Variants in GPHN observed in about 807,000 individuals in gnomAD.
The protein encoded by GPHN is gephyrin.
In GPHN, 17 loss-of-function variants were observed where a neutral mutation model predicts 95.5. The observed-to-expected ratio is 0.18, with a 90% CI of 0.12 to 0.27. The LOEUF is 0.27. GPHN is among the 10% of genes least tolerant of loss of function. The pLI, the probability that GPHN is intolerant of heterozygous loss-of-function variation, is 1.00. For missense variants in GPHN, 660 were observed against 978.1 expected (o/e 0.67, Z 4.34); for synonymous variants, 320 against 322.5 (o/e 0.99, Z 0.08).
chr14:66,630,658 G>A (rs1156536994), intron 1 of GPHN, among the ~76,000 whole-genome samples: 2 of 152,056 alleles, frequency 1.3e-5, no homozygotes, highest in Non-Finnish European at 2.9e-5. Flanking sequence ...TTTTTTAGTG[G>A]AAACGGAGTT....
intron 1 of GPHN, among the ~76,000 whole-genome samples, chr14:66,557,256 GATA>G (rs1247896879): frequency 2.0e-5 from 3 of 150,372 alleles, no homozygotes; most frequent in Non-Finnish European, 4.4e-5. Flanking sequence ...TAGATAGATA[GATA>G]GATAGATAGA....
At chr14:67,292,629 A>T in the GPHN span, 1 of 1,613,810 alleles carries the variant, frequency 6.2e-7, no homozygotes, top group Non-Finnish European at 8.5e-7. Context: ...TCCAGAATGC[A>T]TTTAAGATAC....
intron 9 of GPHN, among the ~76,000 whole-genome samples, chr14:67,012,279 A>T (rs1000850331): frequency 4.7e-4 from 72 of 152,244 alleles, no homozygotes; most frequent in African/African-American, 1.6e-3. Context: ...GATCAATAGC[A>T]TTATGAAATC....
At chr14:66,780,460 TTTAA>T (rs2059564575) in intron 3 of GPHN, among the ~76,000 whole-genome samples, 1 of 152,190 alleles carries the variant, frequency 6.6e-6, no homozygotes, top group South Asian at 2.1e-4. Flanking sequence ...ATTTAATTAG[TTTAA>T]TTAATAGCAG....
At chr14:66,719,236 G>A (rs932863611) in intron 2 of GPHN, among the ~76,000 whole-genome samples, 10 of 152,134 alleles carry the variant, frequency 6.6e-5, no homozygotes, top group Admixed American at 3.9e-4. Context: ...GCCTCTGGCC[G>A]CCCTCCAGAA....
At chr14:66,697,669 T>C (rs940996605) in intron 2 of GPHN, among the ~76,000 whole-genome samples, 4 of 131,786 alleles carry the variant, frequency 3.0e-5, no homozygotes, top group Non-Finnish European at 6.0e-5. Flanking sequence ...TTGCCTTTTT[T>C]TTTTTTCTTT....
chr14:67,204,946 G>A, the GPHN span: 1 of 1,609,908 alleles, frequency 6.2e-7, no homozygotes, highest in African/African-American at 1.3e-5. Context: ...GGTCCCAGAG[G>A]TCCCGGATGT....
the GPHN span, among the ~76,000 whole-genome samples, chr14:67,696,522 C>A: frequency 6.6e-6 from 1 of 152,270 alleles, no homozygotes; most frequent in South Asian, 2.1e-4. Flanking sequence ...TGGCAACTAT[C>A]ATGATTTTTC....
chr14:67,250,564 A>G, the GPHN span, among the ~76,000 whole-genome samples: 51 of 152,182 alleles, frequency 3.4e-4, no homozygotes, highest in African/African-American at 1.1e-3. Flanking sequence ...TGTGATTCTG[A>G]TAGTCATCTG....
chr14:67,511,592 T>C, the GPHN span, among the ~76,000 whole-genome samples: 1 of 152,228 alleles, frequency 6.6e-6, no homozygotes, highest in South Asian at 2.1e-4. Context: ...GAATTGTCAA[T>C]GACTTTGGTT....
At chr14:66,870,167 G>T (rs929159011) in intron 4 of GPHN, among the ~76,000 whole-genome samples, 8 of 152,162 alleles carry the variant, frequency 5.3e-5, no homozygotes, top group Non-Finnish European at 1.0e-4. Flanking sequence ...TGATACAAAC[G>T]TGAGAAAGAC....
chr14:67,552,781 AAAAC>A, the GPHN span, among the ~76,000 whole-genome samples: 1 of 150,150 alleles, frequency 6.7e-6, no homozygotes, highest in Non-Finnish European at 1.5e-5. Context: ...AAAAAAAACA[AAAAC>A]AAAAAGAAGG....
At position 67,028,034 on chromosome 14, in the gene GPHN, A is replaced by G. The variant is rs1452796628; in HGVS notation, c.1006+4359A>G. ...TAGCCAACTTTTCTTTATCCCCCAC[A>G]CCATCCTTCCCAGCCTCTGATAATA... On this transcript the variant is annotated intron_variant, in intron 10 of 22. Transcript: ENST00000478722. Among the ~76,000 whole-genome samples, 6 of 152,012 alleles carry G rather than the reference A, an allele frequency of 3.9e-5. No individual in the cohort carries two copies. In the East Asian group the frequency reaches 7.7e-4, roughly 20 times the overall value.
chr14:67,086,029 T>C (rs868052519), intron 11 of GPHN, among the ~76,000 whole-genome samples: 9 of 152,368 alleles, frequency 5.9e-5, no homozygotes, highest in Middle Eastern at 3.4e-3. Flanking sequence ...TGTTGTAGCA[T>C]AGTCAGAATT....
At chr14:66,686,064 T>C (rs2067336632) in intron 2 of GPHN, among the ~76,000 whole-genome samples, 1 of 152,200 alleles carries the variant, frequency 6.6e-6, no homozygotes, top group Non-Finnish European at 1.5e-5. Context: ...TGTAGATGTG[T>C]GGCATTATTT....
chr14:67,179,737 A>G (rs1431126807), intron 22 of GPHN, 63 bp downstream of exon 22: 30 of 868,200 alleles, frequency 3.5e-5, no homozygotes, highest in Admixed American at 2.1e-4. Context: ...AAACTTATAT[A>G]TAATCTTCCT....
intron 4 of GPHN, among the ~76,000 whole-genome samples, chr14:66,843,241 A>C (rs934351935): frequency 6.6e-6 from 1 of 152,264 alleles, no homozygotes; most frequent in African/African-American, 2.4e-5. Context: ...TGCCATATCC[A>C]TCTGCTATTT....
intron 10 of GPHN, among the ~76,000 whole-genome samples, chr14:67,037,398 T>C (rs1031332581): frequency 1.3e-5 from 2 of 151,998 alleles, no homozygotes; most frequent in African/African-American, 4.8e-5. Flanking sequence ...AAACGATCTC[T>C]TGGATATGAT....
the GPHN span, chr14:67,202,994 C>T: frequency 5.6e-6 from 7 of 1,243,922 alleles, no homozygotes; most frequent in Admixed American, 7.6e-5. Flanking sequence ...TGGTTCATTC[C>T]TCCTTTATTT....
Sources: allele counts gnomAD v4.1 joint callset (sites outside exome capture counted in the v4.1 genomes callset), GRCh38; gene constraint gnomAD v4.1.1; transcripts MANE v1.5; gene names NCBI Gene and HGNC (gene_info 2026-07-23, HGNC 2026-07-21).